Variants in ZNF112 observed in about 807,000 individuals in gnomAD.
ZNF112 encodes zinc finger protein 112 (Y14).
In ZNF112, 37 loss-of-function variants were observed where a neutral mutation model predicts 77.7. The observed-to-expected ratio is 0.48, with a 90% CI of 0.37 to 0.63. ZNF112 has a LOEUF of 0.63. Among genes scored for constraint, ZNF112 ranks in the 20% least tolerant of loss-of-function variants. The pLI is 0.00. For missense variants in ZNF112, 950 were observed against 1,077.4 expected (o/e 0.88, Z 1.66); for synonymous variants, 333 against 363.6 (o/e 0.92, Z 0.96).
At chr19:44,344,377 T>A (rs1344857725) in intron 1 of ZNF112, among the ~76,000 whole-genome samples, 2 of 151,884 alleles carry the variant, frequency 1.3e-5, no homozygotes, top group African/African-American at 2.4e-5. Context: ...GAGAAAGAAC[T>A]GAAAAAAATA....
In ZNF112 at chr19:44,329,655, AC is replaced by A; in HGVS notation, c.501del (p.Tyr168IlefsTer15). The A allele has an allele frequency of 6.2e-7, 1 of 1,614,132 alleles. No homozygotes were observed. The highest frequency in any genetic ancestry group is 8.5e-7 in the Non-Finnish European group (1 of 1,180,018). On this transcript the variant is annotated frameshift_variant, in exon 4 of 4. Transcript: ENST00000354340. LOFTEE classifies it high-confidence loss of function. The stretch of plus-strand genomic sequence containing the variant: ...GAATGATGTGCCCTCCAAGATGGAT[AC>A]CCTTGACTTTTTATATAATTGGAGC... The part of the protein sequence containing the change: ...GNGSNYIKSQ[G>X]YPSWRAHHSW...
intron 1 of ZNF112, among the ~76,000 whole-genome samples, chr19:44,344,315 GTTACT>G (rs34868759): frequency 0.63 from 94,656 of 150,960 alleles, 29,899 homozygotes; most frequent in Admixed American, 0.74. Context: ...CTCAAGGTTT[GTTACT>G]TTACTTTACT....
intron 1 of ZNF112, among the ~76,000 whole-genome samples, chr19:44,366,865 C>A (rs1322980806): frequency 1.3e-5 from 2 of 152,084 alleles, no homozygotes; most frequent in Non-Finnish European, 2.9e-5. Flanking sequence ...TCATTTAATT[C>A]TCCACTCAAC....
intron 1 of ZNF112, among the ~76,000 whole-genome samples, chr19:44,345,866 AG>A (rs1970579517): frequency 6.6e-6 from 1 of 152,190 alleles, no homozygotes; most frequent in African/African-American, 2.4e-5. Flanking sequence ...CACTTAGAGC[AG>A]GGGTTGGAAA....
intron 3 of ZNF112, among the ~76,000 whole-genome samples, chr19:44,335,740 A>G (rs973940096): frequency 2.0e-5 from 3 of 152,374 alleles, no homozygotes; most frequent in South Asian, 4.1e-4. Context: ...GGTACCATGT[A>G]GGACCCTGAA....
At chr19:44,333,908 A>G (rs1382374732) in intron 3 of ZNF112, among the ~76,000 whole-genome samples, 1 of 152,220 alleles carries the variant, frequency 6.6e-6, no homozygotes, top group East Asian at 1.9e-4. Context: ...CTTTGGAAAC[A>G]GGTAATGGGC....
chr19:44,346,645 TC>T (rs1426427158), intron 1 of ZNF112, among the ~76,000 whole-genome samples: 1 of 152,144 alleles, frequency 6.6e-6, no homozygotes, highest in Non-Finnish European at 1.5e-5. Flanking sequence ...GAATATACTC[TC>T]ACTGAGTTGA....
In ZNF112 at chr19:44,341,849, G is replaced by A. The variant is rs1214963214; in HGVS notation, c.-3-1307C>T. On this transcript the variant is annotated intron_variant, in intron 1 of 3. Coordinates refer to ENST00000354340, the MANE Select transcript of ZNF112 (RefSeq NM_013380.4). Reference sequence around the variant, plus strand: ...CAGTCCCATATTTCTTCTGGCTGCAGTTCTGAGCATAACAGCTTCAGCTCT... The same window carrying A: ...CAGTCCCATATTTCTTCTGGCTGCAATTCTGAGCATAACAGCTTCAGCTCT... Among the ~76,000 whole-genome samples, 7 of 152,334 alleles carry A rather than the reference G, an allele frequency of 4.6e-5. 1 individual carries two copies. In the South Asian group the frequency reaches 1.0e-3, roughly 23 times the overall value.
At chr19:44,347,280 T>C (rs139190235) in intron 1 of ZNF112, among the ~76,000 whole-genome samples, 1 of 152,240 alleles carries the variant, frequency 6.6e-6, no homozygotes, top group East Asian at 1.9e-4. Flanking sequence ...TGTATTTAAA[T>C]GGAGTTATTT....
At chr19:44,342,437 G>A (rs1414251904) in intron 1 of ZNF112, among the ~76,000 whole-genome samples, 1 of 152,120 alleles carries the variant, frequency 6.6e-6, no homozygotes, top group Non-Finnish European at 1.5e-5. Flanking sequence ...TGGTTTTTGA[G>A]TCAAGATTAT....
At chr19:44,331,301 A>C (rs1970266712) in intron 3 of ZNF112, among the ~76,000 whole-genome samples, 1 of 152,240 alleles carries the variant, frequency 6.6e-6, no homozygotes, top group South Asian at 2.1e-4. Context: ...AACTCAATGA[A>C]TACTGACTTT....
chr19:44,360,049 G>C (rs1455958394), upstream of ZNF112, among the ~76,000 whole-genome samples: 3 of 151,504 alleles, frequency 2.0e-5, no homozygotes, highest in Non-Finnish European at 4.4e-5. Context: ...GAGATCAGGA[G>C]ATCCAGACCA....
chr19:44,350,800 T>C (rs935999251), intron 1 of ZNF112, among the ~76,000 whole-genome samples: 4 of 152,114 alleles, frequency 2.6e-5, no homozygotes, highest in Non-Finnish European at 5.9e-5. Flanking sequence ...TCCATTTCAT[T>C]GTACACTGCA....
chr19:44,338,704 TAA>T (rs1280904875), intron 2 of ZNF112, among the ~76,000 whole-genome samples: 3 of 152,170 alleles, frequency 2.0e-5, no homozygotes, highest in Non-Finnish European at 4.4e-5. Flanking sequence ...TAAAGAAGGC[TAA>T]AGAGACAGAA....
At chr19:44,361,063 A>G (rs142263761), upstream of ZNF112, among the ~76,000 whole-genome samples, 5 of 152,334 alleles carry the variant, frequency 3.3e-5, no homozygotes, top group African/African-American at 1.2e-4. Flanking sequence ...ACTCCCATAA[A>G]TATGTTGAGC....
At chr19:44,336,943 G>A (rs1204054118) in intron 2 of ZNF112, among the ~76,000 whole-genome samples, 1 of 150,804 alleles carries the variant, frequency 6.6e-6, no homozygotes, top group Non-Finnish European at 1.5e-5. Flanking sequence ...CATGATCACA[G>A]CTCACTACAA....
chr19:44,331,487 G>A (rs1970269954), intron 3 of ZNF112, among the ~76,000 whole-genome samples: 1 of 152,174 alleles, frequency 6.6e-6, no homozygotes, highest in South Asian at 2.1e-4. Flanking sequence ...AGGACAACTG[G>A]TTAAACAGGG....
chr19:44,338,669 G>C (rs1411621829), intron 2 of ZNF112, among the ~76,000 whole-genome samples: 1 of 152,198 alleles, frequency 6.6e-6, no homozygotes, highest in Non-Finnish European at 1.5e-5. Context: ...AAAAGAGAAA[G>C]AAATGCTGTG....
chr19:44,339,751 A>C (rs909054218), intron 2 of ZNF112, among the ~76,000 whole-genome samples: 1 of 151,946 alleles, frequency 6.6e-6, no homozygotes, highest in Non-Finnish European at 1.5e-5. Context: ...TGTGGGGCTC[A>C]GTACTCTTGG....
Sources: allele counts gnomAD v4.1 joint callset (sites outside exome capture counted in the v4.1 genomes callset), GRCh38; gene constraint gnomAD v4.1.1; transcripts MANE v1.5; gene names NCBI Gene and HGNC (gene_info 2026-07-23, HGNC 2026-07-21).